UNC45A: variants seen among roughly 807,000 people sequenced by gnomAD.
UNC45A encodes unc-45 myosin chaperone A, also known as protein unc-45 homolog A.
In UNC45A, 78 loss-of-function variants were observed where a neutral mutation model predicts 103.2. The ratio of observed to expected loss-of-function variants is 0.76; its 90% CI spans 0.63 to 0.91. The LOEUF (loss-of-function observed/expected upper bound fraction) is 0.91. Ranked by LOEUF, UNC45A falls within the 40% of genes least tolerant of loss-of-function variation. The probability of loss-of-function intolerance (pLI) is 0.00; values close to 1 mark genes in which losing one functional copy is unlikely to be tolerated. For missense variants in UNC45A, 1,193 were observed against 1,224.8 expected, an observed-to-expected ratio of 0.97 and a Z score of 0.39; for synonymous variants, 495 against 504.6, an observed-to-expected ratio of 0.98 and a Z score of 0.25.
intron 9 of UNC45A, among the ~76,000 whole-genome samples, chr15:90,945,328 G>C (rs933873330): frequency 6.6e-6 from 1 of 151,726 alleles, no homozygotes; most frequent in Non-Finnish European, 1.5e-5. Flanking sequence ...CACTTCCTAC[G>C]CTTCTGTTCC....
intron 4 of UNC45A, 42 bp downstream of exon 4, chr15:90,936,502 T>C (rs762048030): frequency 1.2e-6 from 2 of 1,603,020 alleles, no homozygotes; most frequent in African/African-American, 1.3e-5. Flanking sequence ...TGACTGGTGG[T>C]GAAGGGGTCT....
At chr15:90,948,567 G>A in intron 12 of UNC45A, 87 bp from the exon 13 acceptor site, 3 of 1,553,378 alleles carry the variant, frequency 1.9e-6, no homozygotes, top group Non-Finnish European at 2.6e-6. Context: ...AGCTGAGGGT[G>A]GAATTGGGGG....
At chr15:90,947,549 G>A in intron 10 of UNC45A, 1 of 536,908 alleles carries the variant, frequency 1.9e-6, no homozygotes. Flanking sequence ...GGAAGGGGTG[G>A]GGCCCACGAC....
chr15:90,932,108 C>T (rs771775211), upstream of UNC45A: 89 of 1,592,240 alleles, frequency 5.6e-5, no homozygotes, highest in Non-Finnish European at 7.5e-5. Flanking sequence ...ATCCGTGCCA[C>T]ACCTGACGGG....
In UNC45A at chr15:90,953,867, TC is replaced by T; in HGVS notation, c.*152del. 1 of 1,177,360 alleles carries T rather than the reference TC, an allele frequency of 8.5e-7. No homozygotes were observed. The highest frequency in any genetic ancestry group is 1.2e-6 in the Non-Finnish European group (1 of 848,780). 72.9% of individuals were successfully genotyped at this position (1,177,360 alleles called of 1,614,324 possible). On this transcript the variant is annotated 3_prime_UTR_variant, in exon 20 of 20. Coordinates refer to ENST00000418476, the MANE Select transcript of UNC45A (RefSeq NM_018671.5). The stretch of plus-strand genomic sequence containing the variant: ...GCCCTAGGATGTCCTCTGTTCTGAG[TC>T]AGCGGCCACGTTCAGTCACACAGCC...
At position 90,948,776 on chromosome 15, in the gene UNC45A, G is replaced by T. The variant is rs761222865; in HGVS notation, c.1860G>T (p.Val620=). ...TGGCCAAGTATGCCAAGCAGCATGTGCCCGAGCAGCACCCCAAGGTGAGGG... is the reference window on the plus strand; with the variant it reads ...TGGCCAAGTATGCCAAGCAGCATGTTCCCGAGCAGCACCCCAAGGTGAGGG... ...VELAKYAKQH[V]PEQHPKDKPS... Residue 620 remains valine, a synonymous_variant, in exon 13 of 20, where the codon GTG becomes GTT. Coordinates refer to ENST00000418476, the MANE Select transcript of UNC45A (RefSeq NM_018671.5). The T allele has an allele frequency of 6.2e-7, 1 of 1,608,616 alleles. No homozygotes were observed. The highest frequency in any genetic ancestry group is 8.5e-7 in the Non-Finnish European group (1 of 1,177,850).
intron 8 of UNC45A, among the ~76,000 whole-genome samples, chr15:90,944,129 A>T (rs1350810939): frequency 6.6e-6 from 1 of 151,046 alleles, no homozygotes; most frequent in Non-Finnish European, 1.5e-5. Context: ...CCTCACGCCT[A>T]TAATCCCAGC....
Position 90,946,703 on chromosome 15 carries a change from A to C in UNC45A, c.1289A>C (p.Asn430Thr), listed in dbSNP as rs779191197. The change falls in exon 10 of 20, where the codon AAC becomes ACC. Residue 430 changes from asparagine to threonine, a missense_variant. Transcript: ENST00000418476. ...CLLQGPCDAG[N>T]RALELSGVME... ...CTGCAGGGCCCATGTGACGCTGGCA[A>C]CCGGGCCTTGGAGCTGAGCGGTGTC... is the stretch of plus-strand genomic sequence containing the variant. 2.3e-5 allele frequency: 37 copies of C among 1,612,864 alleles called. No homozygotes were observed. The highest frequency in any genetic ancestry group is 2.0e-4 in the Middle Eastern group (1 of 5,112).
intron 16 of UNC45A, 74 bp from the exon 17 acceptor site, chr15:90,950,426 C>T: frequency 2.0e-6 from 3 of 1,531,038 alleles, no homozygotes; most frequent in Non-Finnish European, 2.7e-6. Context: ...TGGGGGTGGG[C>T]TTCTCCCTGC....
intron 4 of UNC45A, among the ~76,000 whole-genome samples, chr15:90,937,112 A>G (rs552959712): frequency 6.6e-6 from 1 of 152,302 alleles, no homozygotes; most frequent in African/African-American, 2.4e-5. Context: ...TTTGGAGGCC[A>G]AGATGGGATG....
upstream of UNC45A, chr15:90,931,502 C>G: frequency 6.2e-7 from 1 of 1,614,170 alleles, no homozygotes; most frequent in Non-Finnish European, 8.5e-7. Context: ...CCATGAGTTC[C>G]TGATGGAATG....
chr15:90,936,211 G>C, intron 3 of UNC45A, 74 bp from the exon 4 acceptor site: 1 of 1,544,990 alleles, frequency 6.5e-7, no homozygotes, highest in Non-Finnish European at 8.7e-7. Flanking sequence ...GCCTTTCCTC[G>C]AGATCTTTCC....
At chr15:90,951,402 C>G (rs1292103498) in intron 17 of UNC45A, among the ~76,000 whole-genome samples, 1 of 152,190 alleles carries the variant, frequency 6.6e-6, no homozygotes, top group African/African-American at 2.4e-5. Context: ...GATGATCACA[C>G]TTGCACCTTT....
In UNC45A at chr15:90,942,908, C is replaced by G; in HGVS notation, c.857-4C>G. The G allele has an allele frequency of 1.2e-6, 2 of 1,600,626 alleles. No individual in the cohort carries two copies. The highest frequency in any genetic ancestry group is 2.2e-5 in the East Asian group (1 of 44,602). ...GCCCACTGATGTCTTCTTGTTGTTG[C>G]CAGATCCTGCCCGGGAGCTGAAGGT... On this transcript the variant is annotated splice_region_variant and splice_polypyrimidine_tract_variant and intron_variant, in intron 7 of 19. Coordinates refer to ENST00000418476, the MANE Select transcript of UNC45A (RefSeq NM_018671.5).
intron 10 of UNC45A, chr15:90,947,207 G>A (rs1024857034): frequency 1.5e-5 from 6 of 387,750 alleles, no homozygotes; most frequent in Admixed American, 7.6e-5. Flanking sequence ...ATGAATGAAC[G>A]AGATTCTGGG....
Position 90,949,441 on chromosome 15 carries a change from C to T in UNC45A, c.2004C>T (p.Ser668=). The change falls in exon 14 of 20, where the codon TCC becomes TCT. Residue 668 remains serine, a splice_region_variant and synonymous_variant. Transcript: ENST00000418476. ...CCAGTTCCTGCAGAGAGCTGCTCTC[C>T]AGGTGAGCCAGCCTTGGTAGGAGCC... is the stretch of plus-strand genomic sequence containing the variant. ...VLTSSCRELL[S]RVFLALVEEV... 6.2e-7 allele frequency: 1 copy of T among 1,613,578 alleles called. No homozygotes were observed. Among genetic ancestry groups the T allele is most frequent in the Non-Finnish European group, 8.5e-7 (1 of 1,179,906 alleles).
At chr15:90,937,103 T>C (rs1290173442) in intron 4 of UNC45A, among the ~76,000 whole-genome samples, 2 of 152,202 alleles carry the variant, frequency 1.3e-5, no homozygotes, top group African/African-American at 4.8e-5. Flanking sequence ...CCCAGTGCTT[T>C]TGGAGGCCAA....
At chr15:90,935,822 GT>G (rs1407364646) in intron 2 of UNC45A, 117 bp downstream of exon 2, 3 of 1,549,540 alleles carry the variant, frequency 1.9e-6, no homozygotes, top group African/African-American at 1.4e-5. Context: ...CTTGCCAGAT[GT>G]TTTTTGCACC....
upstream of UNC45A, chr15:90,931,790 G>T (rs538623921): frequency 5.0e-6 from 8 of 1,614,104 alleles, no homozygotes; most frequent in Admixed American, 1.7e-5. Flanking sequence ...ACTGTGGGGC[G>T]CTTGCTCCAC....
Sources: allele counts gnomAD v4.1 joint callset (sites outside exome capture counted in the v4.1 genomes callset), GRCh38; gene constraint gnomAD v4.1.1; transcripts MANE v1.5; gene names NCBI Gene and HGNC (gene_info 2026-07-23, HGNC 2026-07-21).